The following ATP8A1 variants were observed in gnomAD, a reference collection of about 807,000 sequenced individuals.
ATP8A1 encodes ATPase phospholipid transporting 8A1, also known as phospholipid-transporting ATPase IA.
In ATP8A1, 90 loss-of-function variants were observed where a neutral mutation model predicts 177.7. The ratio of observed to expected loss-of-function variants is 0.51; its 90% CI spans 0.43 to 0.60. The LOEUF (loss-of-function observed/expected upper bound fraction) is 0.60, where lower values mean the gene tolerates loss of function less well. Among genes scored for constraint, ATP8A1 ranks in the 20% least tolerant of loss-of-function variants. The probability of loss-of-function intolerance (pLI) is 0.00; values close to 1 mark genes in which losing one functional copy is unlikely to be tolerated. For missense variants in ATP8A1, 1,072 were observed against 1,392.8 expected (o/e 0.77, Z 3.67); for synonymous variants, 493 against 485.9 (o/e 1.01, Z -0.19).
At chr4:42,434,098 A>C (rs1715629250) in intron 33 of ATP8A1, among the ~76,000 whole-genome samples, 1 of 152,168 alleles carries the variant, frequency 6.6e-6, no homozygotes, top group Non-Finnish European at 1.5e-5. Flanking sequence ...ATAATTAAAA[A>C]CATAATTCGT....
intron 36 of ATP8A1, among the ~76,000 whole-genome samples, chr4:42,414,101 T>C (rs1712949183): frequency 6.6e-6 from 1 of 152,218 alleles, no homozygotes; most frequent in Non-Finnish European, 1.5e-5. Flanking sequence ...GGAAACAACA[T>C]GAAACAAAAG....
At chr4:42,653,294 C>CCATAG (rs143826808) in intron 1 of ATP8A1, among the ~76,000 whole-genome samples, 114,719 of 151,700 alleles carry the variant, frequency 0.76, 43,633 homozygotes, top group Non-Finnish European at 0.8. Flanking sequence ...TTCATTTTCC[C>CCATAG]CATTTGCCAC....
intron 5 of ATP8A1, among the ~76,000 whole-genome samples, chr4:42,604,403 A>C (rs979541385): frequency 5.6e-5 from 8 of 141,696 alleles, no homozygotes; most frequent in African/African-American, 2.1e-4. Flanking sequence ...CACTGTTACC[A>C]TTCCAGTGTT....
chr4:42,550,640 A>G (rs1479749498), intron 18 of ATP8A1, among the ~76,000 whole-genome samples: 3 of 152,190 alleles, frequency 2.0e-5, no homozygotes, highest in African/African-American at 4.8e-5. Context: ...TAGAAAATAA[A>G]AGAAAAAGTG....
chr4:42,470,334 C>A (rs1720262404), intron 25 of ATP8A1, among the ~76,000 whole-genome samples: 1 of 152,174 alleles, frequency 6.6e-6, no homozygotes, highest in South Asian at 2.1e-4. Flanking sequence ...AACGTTAGAT[C>A]AGAGCACTGG....
At chr4:42,579,547 G>GAT (rs1178611363) in intron 11 of ATP8A1, among the ~76,000 whole-genome samples, 2 of 151,368 alleles carry the variant, frequency 1.3e-5, no homozygotes, top group Non-Finnish European at 2.9e-5. Context: ...AGTTTTCGTT[G>GAT]ATATATATAA....
intron 1 of ATP8A1, among the ~76,000 whole-genome samples, chr4:42,656,445 G>C (rs10014404): frequency 0.1 from 15,306 of 152,058 alleles, 1,118 homozygotes; most frequent in African/African-American, 0.2. Context: ...TGGGAGCTCA[G>C]ATAGGGGGTT....
At chr4:42,457,355 T>C (rs935004659) in intron 27 of ATP8A1, among the ~76,000 whole-genome samples, 2 of 152,334 alleles carry the variant, frequency 1.3e-5, no homozygotes, top group South Asian at 2.1e-4. Context: ...TTTGGGATAC[T>C]CAGAGTGATG....
rs1468720062 is a variant in ATP8A1 at position 42,446,589 on chromosome 4, C to T, written c.2952G>A (p.Val984=). 2 of 1,613,754 alleles carry T rather than the reference C, an allele frequency of 1.2e-6. No individual in the cohort carries two copies. Among genetic ancestry groups the T allele is most frequent in the Admixed American group, 1.7e-5 (1 of 59,996 alleles). The part of the protein sequence containing the change: ...TSDYLLLGNF[V]YTFVVITVCL... ...ACCGACATCCCGCACTCACAGTGTA[C>T]ACAAAGTTTCCCAGTAGCAGATAAT... Residue 984 remains valine (V), a synonymous_variant, in exon 31 of 37, where the codon GTG becomes GTA. Coordinates refer to ENST00000381668, the MANE Select transcript of ATP8A1 (RefSeq NM_006095.2).
intron 6 of ATP8A1, among the ~76,000 whole-genome samples, chr4:42,598,201 T>C (rs1734903016): frequency 6.6e-6 from 1 of 152,182 alleles, no homozygotes; most frequent in South Asian, 2.1e-4. Context: ...TTTTAGTCAG[T>C]TGACATTTAT....
At chr4:42,438,162 G>A (rs763679259) in intron 33 of ATP8A1, among the ~76,000 whole-genome samples, 2 of 152,218 alleles carry the variant, frequency 1.3e-5, no homozygotes, top group African/African-American at 2.4e-5. Context: ...TGTGCACGGT[G>A]CATCAGGGGA....
chr4:42,571,204 G>T (rs1731869229), intron 14 of ATP8A1, among the ~76,000 whole-genome samples: 2 of 152,006 alleles, frequency 1.3e-5, no homozygotes, highest in Admixed American at 6.6e-5. Flanking sequence ...CTCTTCTTGG[G>T]GTTAAAGAAG....
intron 6 of ATP8A1, among the ~76,000 whole-genome samples, chr4:42,599,442 AGGT>A (rs1735030777): frequency 1.3e-5 from 2 of 152,216 alleles, no homozygotes; most frequent in African/African-American, 4.8e-5. Context: ...AACACAACCA[AGGT>A]ATTTTCCCAT....
In ATP8A1 at chr4:42,455,544, C is replaced by T. The variant is rs115298940; in HGVS notation, c.2675G>A (p.Cys892Tyr). Residue 892 changes from cysteine (C) to tyrosine (Y), a missense_variant, in exon 28 of 37, where the codon TGT (cysteine) becomes TAT (tyrosine). Physicochemically the swap from Cys to Tyr is radical, Grantham distance 194 (BLOSUM62 -2). This residue lies in a region of ATP8A1 where 316 missense variants were observed against 459.1 expected (regional missense o/e 0.69). Coordinates refer to ENST00000381668, the MANE Select transcript of ATP8A1 (RefSeq NM_006095.2). ...ACTTACCACGTTATAGAGACCTATA[C>T]ACCATCTTTCAAAGAGGATCTGTCC... Reference protein sequence around the residue: ...FSGQILFERWCIGLYNVMFTA... With the variant: ...FSGQILFERWYIGLYNVMFTA... 59 of 1,613,712 alleles carry T rather than the reference C, an allele frequency of 3.7e-5. No individual in the cohort carries two copies. The highest frequency in any genetic ancestry group is 4.7e-5 in the Non-Finnish European group (55 of 1,179,760).
At position 42,552,593 on chromosome 4, in the gene ATP8A1, T is replaced by C. The variant is rs1729615695; in HGVS notation, c.1431A>G (p.Ile477Met). The C allele has an allele frequency of 3.1e-6, 5 of 1,613,504 alleles. No individual in the cohort carries two copies. In the East Asian group the frequency reaches 8.9e-5, roughly 29 times the overall value. The stretch of plus-strand genomic sequence containing the variant: ...CTGCCATCATTGTAAGAAATTCACA[T>C]ATTATAGGTGCAGTTGGCTGTGAAA... ...LQNNHPTAPI[I>M]CEFLTMMAVC... is the part of the protein sequence containing the mutation. Residue 477 changes from isoleucine (I) to methionine (M), a missense_variant, in exon 17 of 37, where the codon ATA (isoleucine) becomes ATG (methionine). Transcript: ENST00000381668.
intron 27 of ATP8A1, among the ~76,000 whole-genome samples, chr4:42,463,706 A>G (rs1376235635): frequency 6.6e-6 from 1 of 152,216 alleles, no homozygotes; most frequent in Non-Finnish European, 1.5e-5. Context: ...TTTCATTTTT[A>G]AAATGATGTT....
At chr4:42,574,507 A>T (rs1304565838) in intron 14 of ATP8A1, 112 bp downstream of exon 14, 24 of 801,712 alleles carry the variant, frequency 3.0e-5, no homozygotes, top group East Asian at 1.2e-4. Context: ...TTTTCAGACT[A>T]AAAAAAACCA....
chr4:42,544,903 T>C (rs1271894184), intron 19 of ATP8A1, among the ~76,000 whole-genome samples: 1 of 152,200 alleles, frequency 6.6e-6, no homozygotes, highest in Admixed American at 6.5e-5. Context: ...GGCTCATGCC[T>C]GTAATTCTAG....
intron 1 of ATP8A1, among the ~76,000 whole-genome samples, chr4:42,643,038 C>A (rs926095941): frequency 3.9e-5 from 6 of 152,152 alleles, no homozygotes; most frequent in African/African-American, 1.4e-4. Flanking sequence ...AATGTCCCTG[C>A]AGTTTGGAGC....
Sources: allele counts gnomAD v4.1 joint callset (sites outside exome capture counted in the v4.1 genomes callset), GRCh38; gene constraint gnomAD v4.1.1; regional missense constraint gnomAD v4.1.1; transcripts MANE v1.5; gene names NCBI Gene and HGNC (gene_info 2026-07-23, HGNC 2026-07-21).